The following AK5 variants were observed in gnomAD, a reference collection of about 807,000 sequenced individuals.
AK5 encodes the protein adenylate kinase 5, also known as adenylate kinase isoenzyme 5.
Under a neutral mutation model 69.5 loss-of-function variants are expected in AK5, and 27 were observed. The ratio of observed to expected loss-of-function variants is 0.39; its 90% CI spans 0.29 to 0.54. The LOEUF (loss-of-function observed/expected upper bound fraction) is 0.54, where lower values mean the gene tolerates loss of function less well. Among genes scored for constraint, AK5 ranks in the 20% least tolerant of loss-of-function variants. The pLI, the probability that AK5 is intolerant of heterozygous loss-of-function variation, is 0.71. For missense variants in AK5, 531 were observed against 700.4 expected (o/e 0.76, Z 2.73); for synonymous variants, 260 against 244.4 (o/e 1.06, Z -0.60).
chr1:77,317,643 C>T (rs1557490847), intron 5 of AK5, among the ~76,000 whole-genome samples: 1 of 152,196 alleles, frequency 6.6e-6, no homozygotes, highest in Non-Finnish European at 1.5e-5. Flanking sequence ...TCCCTGTCCT[C>T]ATTCTTTCCA....
At chr1:77,558,264 T>C (rs927931915) in intron 13 of AK5, among the ~76,000 whole-genome samples, 5 of 152,206 alleles carry the variant, frequency 3.3e-5, no homozygotes, top group Admixed American at 1.3e-4. Flanking sequence ...ATGTTCAGTT[T>C]AAGAAACTGC....
intron 6 of AK5, among the ~76,000 whole-genome samples, chr1:77,353,456 C>T (rs148099466): frequency 6.6e-6 from 1 of 152,074 alleles, no homozygotes; most frequent in East Asian, 1.9e-4. Context: ...CCAGCCAGGG[C>T]GGTAGAGCAA....
chr1:77,431,963 G>A (rs945078456), intron 8 of AK5, among the ~76,000 whole-genome samples: 3 of 152,218 alleles, frequency 2.0e-5, no homozygotes, highest in African/African-American at 7.2e-5. Context: ...AGTGTTTTCT[G>A]TGTAAGGTTG....
chr1:77,490,005 C>T (rs563061197), intron 10 of AK5, among the ~76,000 whole-genome samples: 215 of 152,332 alleles, frequency 1.4e-3, no homozygotes, highest in African/African-American at 5.0e-3. Context: ...ACCATCCTTC[C>T]TCCTCTGCGC....
chr1:77,553,867 T>C (rs7531286), intron 13 of AK5, among the ~76,000 whole-genome samples: 103,907 of 152,044 alleles, frequency 0.68, 36,613 homozygotes, highest in Non-Finnish European at 0.77. Flanking sequence ...GGTGACTGTA[T>C]AGTGGGCTGT....
chr1:77,376,527 CTTCTCTTTGATTTTTT>C (rs1553141714), intron 6 of AK5, among the ~76,000 whole-genome samples: 2 of 145,424 alleles, frequency 1.4e-5, no homozygotes, highest in African/African-American at 5.1e-5. Context: ...TTCTATGGGT[CTTCTCTTTGATTTTTT>C]TTCTCTTTGA....
intron 8 of AK5, chr1:77,420,342 T>C (rs1053447603): frequency 6.6e-6 from 1 of 152,308 alleles, no homozygotes; most frequent in South Asian, 2.1e-4. Flanking sequence ...ACAGCTCTTT[T>C]AGAATTTGTC....
intron 10 of AK5, among the ~76,000 whole-genome samples, chr1:77,505,868 C>G (rs1557642140): frequency 6.6e-6 from 1 of 151,696 alleles, no homozygotes; most frequent in African/African-American, 2.4e-5. Context: ...GCAGCCTGGG[C>G]AACAGAGCAA....
At chr1:77,414,099 A>T (rs910848413) in intron 7 of AK5, among the ~76,000 whole-genome samples, 4 of 152,234 alleles carry the variant, frequency 2.6e-5, no homozygotes, top group Non-Finnish European at 5.9e-5. Flanking sequence ...CAAGACCTGT[A>T]CAGGTAAAGT....
chr1:77,448,161 C>T (rs183453728), intron 8 of AK5, among the ~76,000 whole-genome samples: 153 of 152,174 alleles, frequency 1.0e-3, no homozygotes, highest in Non-Finnish European at 2.0e-3. Flanking sequence ...TGGAAAGGGG[C>T]GGGTCCTGGT....
intron 10 of AK5, among the ~76,000 whole-genome samples, chr1:77,491,192 T>C (rs1027109591): frequency 6.6e-6 from 1 of 152,104 alleles, no homozygotes; most frequent in South Asian, 2.1e-4. Context: ...TAAGGAAAAC[T>C]GGAGTAATAA....
At chr1:77,481,624 C>T (rs1191453355) in intron 8 of AK5, among the ~76,000 whole-genome samples, 4 of 152,304 alleles carry the variant, frequency 2.6e-5, no homozygotes, top group African/African-American at 9.6e-5. Flanking sequence ...TACAACCAGA[C>T]AACCTCATTT....
intron 6 of AK5, among the ~76,000 whole-genome samples, chr1:77,369,059 A>G (rs940064409): frequency 3.3e-5 from 5 of 152,168 alleles, no homozygotes; most frequent in African/African-American, 9.7e-5. Context: ...ATGTATCAAA[A>G]CATCACTATG....
chr1:77,523,971 T>A (rs527780336), intron 12 of AK5, among the ~76,000 whole-genome samples: 1 of 152,266 alleles, frequency 6.6e-6, no homozygotes, highest in African/African-American at 2.4e-5. Context: ...TGCCTGAAAC[T>A]CTACCCTCTC....
chr1:77,451,372 G>A (rs1451878662), intron 8 of AK5, among the ~76,000 whole-genome samples: 1 of 152,130 alleles, frequency 6.6e-6, no homozygotes, highest in Non-Finnish European at 1.5e-5. Flanking sequence ...AATAATTTTT[G>A]TAAACACATT....
rs79732608 is a variant in AK5 at position 77,452,172 on chromosome 1, A to G, written c.1060-31145A>G. On this transcript the variant is annotated intron_variant, in intron 8 of 13. Transcript: ENST00000354567. ...TTTCTCTCCTGCACAAGCATCCATT[A>G]TAATGCAATTATATGTATCTTTTTG... 2.5e-3 allele frequency among the ~76,000 whole-genome samples: 374 copies of G among 152,292 alleles called. 3 individuals are homozygous for G. The highest frequency in any genetic ancestry group is 8.8e-3 in the African/African-American group (366 of 41,568).
At chr1:77,331,259 A>G (rs984381138) in intron 5 of AK5, among the ~76,000 whole-genome samples, 1 of 152,066 alleles carries the variant, frequency 6.6e-6, no homozygotes, top group Admixed American at 6.5e-5. Context: ...AATGTTAACT[A>G]GAAGTGATGA....
At chr1:77,448,437 C>A (rs1034705207) in intron 8 of AK5, among the ~76,000 whole-genome samples, 1 of 152,170 alleles carries the variant, frequency 6.6e-6, no homozygotes, top group Admixed American at 6.5e-5. Flanking sequence ...ATTGGGATGA[C>A]CTGCCTGTGG....
At chr1:77,460,013 T>C (rs1313387951) in intron 8 of AK5, among the ~76,000 whole-genome samples, 1 of 152,232 alleles carries the variant, frequency 6.6e-6, no homozygotes, top group African/African-American at 2.4e-5. Context: ...ATGGTCTTAA[T>C]GAGCAGAACA....
Sources: allele counts gnomAD v4.1 joint callset (sites outside exome capture counted in the v4.1 genomes callset), GRCh38; gene constraint gnomAD v4.1.1; transcripts MANE v1.5; gene names NCBI Gene and HGNC (gene_info 2026-07-23, HGNC 2026-07-21).